TRAF2: variants seen among roughly 807,000 people sequenced by gnomAD.
TRAF2 encodes TNF receptor associated factor 2, also known as TNF receptor-associated factor 2.
Under a neutral mutation model 55.6 loss-of-function variants are expected in TRAF2, and 6 were observed. The ratio of observed to expected loss-of-function variants is 0.11; its 90% confidence interval spans 0.06 to 0.21. The LOEUF (loss-of-function observed/expected upper bound fraction) is 0.21, where lower values mean the gene tolerates loss of function less well. Among genes scored for constraint, TRAF2 ranks in the 10% least tolerant of loss-of-function variants. The probability of loss-of-function intolerance (pLI) is 1.00; values close to 1 mark genes in which losing one functional copy is unlikely to be tolerated. For missense variants in TRAF2, 561 were observed against 684.5 expected (o/e 0.82, Z 2.01); for synonymous variants, 329 against 276.3 (o/e 1.19, Z -1.89).
In TRAF2 at chr9:136,925,906, C is replaced by T. The variant is rs185169126; in HGVS notation, c.*5C>T. ...GTGGACCTGACAGGGCTCTAACTGC[C>T]CCCTACTGGTGTCTGGGGGTTGGGG... On this transcript the variant is annotated 3_prime_UTR_variant, in exon 11 of 11. Transcript: ENST00000247668. 12 of 1,613,984 alleles carry T rather than the reference C, an allele frequency of 7.4e-6. No homozygotes were observed. In the Admixed American group the frequency reaches 1.0e-4, roughly 13 times the overall value.
intron 3 of TRAF2, among the ~76,000 whole-genome samples, chr9:136,900,162 C>T (rs1849782108): frequency 7.2e-6 from 1 of 138,936 alleles, no homozygotes; most frequent in African/African-American, 3.0e-5. Context: ...AAGTGAGACC[C>T]CTCCTTTAAA....
At chr9:136,921,708 T>TA (rs1554782207) in intron 9 of TRAF2, among the ~76,000 whole-genome samples, 5,579 of 151,288 alleles carry the variant, frequency 0.037, 112 homozygotes, top group Middle Eastern at 0.048. Flanking sequence ...TTTTTTTTTT[T>TA]AAACCCCAAC....
intron 7 of TRAF2, 198 bp downstream of exon 7, chr9:136,916,813 A>G: frequency 1.7e-6 from 1 of 592,138 alleles, no homozygotes; most frequent in Non-Finnish European, 3.1e-6. Flanking sequence ...TCCTGGTGGC[A>G]TTGTAGTGCC....
At chr9:136,898,680 T>C in intron 1 of TRAF2, 33 bp from the exon 2 acceptor site, 1 of 1,607,220 alleles carries the variant, frequency 6.2e-7, no homozygotes, top group South Asian at 1.1e-5. Flanking sequence ...TGTTCTGGAA[T>C]TGAGGTGTAA....
At chr9:136,917,182 C>T (rs967245209) in intron 7 of TRAF2, among the ~76,000 whole-genome samples, 4 of 152,230 alleles carry the variant, frequency 2.6e-5, no homozygotes, top group Admixed American at 6.5e-5. Context: ...TATGGGACCC[C>T]CGTTCTTTTC....
chr9:136,905,916 A>G (rs936593817), intron 4 of TRAF2, among the ~76,000 whole-genome samples: 5 of 152,178 alleles, frequency 3.3e-5, no homozygotes, highest in Non-Finnish European at 7.3e-5. Context: ...CATCCTGGCT[A>G]ACACGGTGAA....
At position 136,887,282 on chromosome 9, in the gene TRAF2, C is replaced by G. The variant is rs562710470; in HGVS notation, c.-29+741C>G. On this transcript the variant is annotated intron_variant, in intron 1 of 10. Transcript: ENST00000247668. ...GTAGAGCCGAGAAAAAGAGGAGTTG[C>G]AATGTCTGCAAGAATCTGGCGTGAG... Among the ~76,000 whole-genome samples the G allele has an allele frequency of 9.2e-5, 14 of 152,312 alleles. No homozygotes were observed. In the South Asian group the frequency reaches 2.3e-3, roughly 25 times the overall value.
intron 1 of TRAF2, among the ~76,000 whole-genome samples, chr9:136,893,052 G>A (rs1232780473): frequency 6.6e-6 from 1 of 152,202 alleles, no homozygotes; most frequent in Admixed American, 6.5e-5. Context: ...CATGATGAAT[G>A]TGCGCTGAGG....
intron 6 of TRAF2, 122 bp from the exon 7 acceptor site, chr9:136,916,419 G>A: frequency 1.1e-6 from 1 of 916,326 alleles, no homozygotes. Context: ...CATTCAGTGT[G>A]AGAGTGAAGA....
chr9:136,887,652 G>A (rs1283014574), intron 1 of TRAF2, among the ~76,000 whole-genome samples: 1 of 152,134 alleles, frequency 6.6e-6, no homozygotes, highest in East Asian at 1.9e-4. Flanking sequence ...TTACTGCCCT[G>A]TAACTCAGTC....
Position 136,908,174 on chromosome 9 carries a change from G to A in TRAF2, c.471G>A (p.Pro157=), listed in dbSNP as rs563595602. 5.6e-5 allele frequency: 89 copies of A among 1,601,932 alleles called. No individual in the cohort carries two copies. Among genetic ancestry groups the A allele is most frequent in the Non-Finnish European group, 4.6e-5 (54 of 1,179,762 alleles). ...AGCGCCACCTGGAGCACGAGTGCCC[G>A]GAGAGAAGCCTGAGCTGCCGGCATT... is the stretch of plus-strand genomic sequence containing the variant. ...EKERHLEHEC[P]ERSLSCRHCR... The change falls in exon 5 of 11, where the codon CCG becomes CCA. Residue 157 remains proline (P), a synonymous_variant. Transcript: ENST00000247668.
chr9:136,910,931 G>A (rs928479318), intron 6 of TRAF2, among the ~76,000 whole-genome samples: 5 of 152,202 alleles, frequency 3.3e-5, no homozygotes, highest in African/African-American at 4.8e-5. Context: ...AGACTGGAGC[G>A]CCATAGAGGC....
chr9:136,883,908 G>A (rs981945615), upstream of TRAF2, among the ~76,000 whole-genome samples: 6 of 149,760 alleles, frequency 4.0e-5, no homozygotes, highest in South Asian at 2.1e-4. Context: ...TGCAACCTAC[G>A]CCTCCCGGGT....
At chr9:136,903,404 G>T (rs1849867111) in intron 4 of TRAF2, among the ~76,000 whole-genome samples, 1 of 152,230 alleles carries the variant, frequency 6.6e-6, no homozygotes, top group South Asian at 2.1e-4. Context: ...ACATAGGCTG[G>T]CTGCACGAGC....
chr9:136,891,034 C>T (rs942320555), intron 1 of TRAF2, among the ~76,000 whole-genome samples: 8 of 152,288 alleles, frequency 5.3e-5, no homozygotes, highest in East Asian at 1.9e-4. Flanking sequence ...CCTCCCACCT[C>T]GGCCTCCTGA....
intron 5 of TRAF2, among the ~76,000 whole-genome samples, chr9:136,909,573 C>T (rs1356005336): frequency 6.6e-6 from 1 of 152,216 alleles, no homozygotes; most frequent in African/African-American, 2.4e-5. Flanking sequence ...GCCGCCAGCC[C>T]TGCCCATCCG....
intron 1 of TRAF2, among the ~76,000 whole-genome samples, chr9:136,896,903 C>T (rs546907982): frequency 6.6e-6 from 1 of 152,150 alleles, no homozygotes; most frequent in Admixed American, 6.6e-5. Flanking sequence ...AGTTGTAGTT[C>T]GTTGAGAGGG....
chr9:136,898,500 C>T, intron 1 of TRAF2: 3 of 854,120 alleles, frequency 3.5e-6, no homozygotes, highest in Non-Finnish European at 4.2e-6. Flanking sequence ...CCCAGCCTCA[C>T]TGAGCCTGAG....
At chr9:136,908,319 G>GCCCCTTTGCACTCGTTCCA in intron 5 of TRAF2, 88 bp downstream of exon 5, 1 of 1,400,866 alleles carries the variant, frequency 7.1e-7, no homozygotes, top group Non-Finnish European at 9.4e-7. Context: ...GGCTGCGTCG[G>GCCCCTTTGCACTCGTTCCA]CCCCTTTGCA....
Sources: gnomAD v4.1 joint callset for allele counts (sites outside exome capture counted in the v4.1 genomes callset) on GRCh38, gnomAD v4.1.1 for gene constraint, MANE v1.5 for transcripts, NCBI Gene and HGNC (gene_info 2026-07-23, HGNC 2026-07-21) for gene names.